Variants in DGKG observed in about 807,000 individuals in gnomAD.
The protein encoded by DGKG is diacylglycerol kinase gamma.
DGKG carries 78 observed loss-of-function variants against 105.3 expected under a neutral mutation model. The observed-to-expected ratio is 0.74, with a 90% CI of 0.62 to 0.89. DGKG has a LOEUF of 0.89. Among genes scored for constraint, DGKG ranks in the 40% least tolerant of loss-of-function variants. DGKG has a pLI of 0.00. For synonymous variants in DGKG, 346 were observed against 367.1 expected, an observed-to-expected ratio of 0.94 and a Z score of 0.66; for missense variants, 958 against 1,020.1, an observed-to-expected ratio of 0.94 and a Z score of 0.83.
intron 20 of DGKG, among the ~76,000 whole-genome samples, chr3:186,217,145 G>A (rs973208640): frequency 2.0e-5 from 3 of 152,178 alleles, no homozygotes; most frequent in Admixed American, 6.5e-5. Context: ...GTAAGGGTGG[G>A]TCTACTGTGG....
In DGKG at chr3:186,211,855, A is replaced by C; in HGVS notation, c.1857T>G (p.Phe619Leu). 1 of 1,614,198 alleles carries C rather than the reference A, an allele frequency of 6.2e-7. No homozygotes were observed. Among genetic ancestry groups the C allele is most frequent in the Non-Finnish European group, 8.5e-7 (1 of 1,180,002 alleles). ...TCGCTGCAAAAGTCTCCGAGGTGCC[A>C]AATTCAAAGTACCACAGCTTGTTCT... ...RMKNKLWYFE[F>L]GTSETFAATC... is the part of the protein sequence containing the mutation. The change falls in exon 21 of 25, where the codon TTT (phenylalanine) becomes TTG (leucine). Residue 619 changes from phenylalanine (F) to leucine (L), a missense_variant. Phe to Leu is a conservative substitution (Grantham distance 22). Around this residue, in one of 2 missense-constraint regions of DGKG, gnomAD observed 315 missense variants for 400.6 expected, o/e 0.79. Transcript: ENST00000265022.
At position 186,275,641 on chromosome 3, in the gene DGKG, G is replaced by C. The variant is rs149782895; in HGVS notation, c.816C>G (p.His272Gln). 2.5e-6 allele frequency: 4 copies of C among 1,613,962 alleles called. No homozygotes were observed. Among genetic ancestry groups the C allele is most frequent in the Non-Finnish European group, 3.4e-6 (4 of 1,180,014 alleles). The change falls in exon 10 of 25, where the codon CAC becomes CAG. Residue 272 changes from histidine to glutamine, a missense_variant. Physicochemically the swap from His to Gln is conservative, Grantham distance 24 (BLOSUM62 0). Around this residue, in one of 2 missense-constraint regions of DGKG, gnomAD observed 643 missense variants for 619.5 expected, o/e 1.04. Transcript: ENST00000265022. ...TCTTGAAGTGCTTCATGGTCCAGGC[G>C]TGCCGCCCATCCCCCTTGGAGCCCT... is the stretch of plus-strand genomic sequence containing the variant. ...DDSGSKGDGR[H>Q]AWTMKHFKKP...
Position 186,273,367 on chromosome 3 carries a change from C to CCTTTTTTTTTTTTTTTTTTTTTTTT in DGKG, c.911-1025_911-1024insAAAAAAAAAAAAAAAAAAAAAAAAG, listed in dbSNP as rs1553811123. On this transcript the variant is annotated intron_variant, in intron 10 of 24. Transcript: ENST00000265022. Reference sequence around the variant, plus strand: ...TGGCGCTGGGGAGACTGTTGTACCCCTTTTTTTTTTTTTTTTTTTTTTTTT... The same window carrying CCTTTTTTTTTTTTTTTTTTTTTTTT: ...TGGCGCTGGGGAGACTGTTGTACCCCCTTTTTTTTTTTTTTTTTTTTTTTTTTTTTTTTTTTTTTTTTTTTTTTTT... Among the ~76,000 whole-genome samples, 4 of 85,598 alleles carry CCTTTTTTTTTTTTTTTTTTTTTTTT rather than the reference C, an allele frequency of 4.7e-5. 2 individuals carry two copies. Among genetic ancestry groups the CCTTTTTTTTTTTTTTTTTTTTTTTT allele is most frequent in the African/African-American group, 1.6e-4 (4 of 25,318 alleles). 56.2% of individuals were successfully genotyped at this position (85,598 alleles called of 152,430 possible). A position where few individuals can be genotyped will look rare whatever the true frequency, so the allele number is the denominator to read the frequency against.
intron 1 of DGKG, among the ~76,000 whole-genome samples, chr3:186,347,851 G>A (rs143832694): frequency 0.015 from 2,286 of 152,262 alleles, 22 homozygotes; most frequent in Non-Finnish European, 0.024. Context: ...CTGAAGCGCT[G>A]GGATTACAGG....
At chr3:186,261,556 T>G in intron 15 of DGKG, 143 bp downstream of exon 15, 1 of 686,648 alleles carries the variant, frequency 1.5e-6, no homozygotes, top group Non-Finnish European at 2.7e-6. Context: ...TTAAGTCACT[T>G]GGGCCAGGTC....
At chr3:186,267,630 A>C in intron 13 of DGKG, 55 bp downstream of exon 13, 1 of 1,415,052 alleles carries the variant, frequency 7.1e-7, no homozygotes, top group Non-Finnish European at 1.0e-6. Context: ...AGCTGCCTAC[A>C]TCTGAAACCA....
intron 16 of DGKG, among the ~76,000 whole-genome samples, chr3:186,258,668 C>T (rs2036774734): frequency 6.6e-6 from 1 of 152,106 alleles, no homozygotes; most frequent in South Asian, 2.1e-4. Context: ...ATGCCTCATA[C>T]CACTGCCATG....
chr3:186,295,638 T>TAAA (rs34829528), intron 5 of DGKG, among the ~76,000 whole-genome samples: 2,204 of 84,410 alleles, frequency 0.026, 175 homozygotes, highest in African/African-American at 0.096. Flanking sequence ...TAATGCACAG[T>TAAA]AAAAAAAAAA....
rs75766894 is a variant in DGKG, at chr3:186,189,124, A to T, written c.1918-745T>A. Among the ~76,000 whole-genome samples, 379 of 152,206 alleles carry T rather than the reference A, an allele frequency of 2.5e-3. 1 individual carries two copies. Among genetic ancestry groups the T allele is most frequent in the Non-Finnish European group, 4.3e-3 (294 of 67,988 alleles). ...CACCACGCCTGGCCAGAAAATTTTC[A>T]TTTTGCCCCCTCCTATTTTATCTCT... On this transcript the variant is annotated intron_variant, in intron 21 of 24. Transcript: ENST00000265022.
intron 5 of DGKG, among the ~76,000 whole-genome samples, chr3:186,290,367 C>T (rs1456078679): frequency 3.3e-5 from 5 of 152,162 alleles, no homozygotes; most frequent in African/African-American, 7.2e-5. Flanking sequence ...GGCCTTTGTA[C>T]TGTGTAGTGC....
At chr3:186,245,814 C>A (rs1578719290) in intron 19 of DGKG, among the ~76,000 whole-genome samples, 2 of 151,860 alleles carry the variant, frequency 1.3e-5, no homozygotes, top group Admixed American at 1.3e-4. Flanking sequence ...AGTATCTAGG[C>A]CAGTGCTATC....
intron 20 of DGKG, among the ~76,000 whole-genome samples, chr3:186,235,463 G>A (rs1720371290): frequency 6.6e-6 from 1 of 152,176 alleles, no homozygotes; most frequent in African/African-American, 2.4e-5. Flanking sequence ...TTGATGGCAA[G>A]GATTTTTAAC....
chr3:186,268,850 T>C lies in DGKG; in HGVS notation c.1067A>G (p.Lys356Arg). 1 of 1,614,090 alleles carries C rather than the reference T, an allele frequency of 6.2e-7. No homozygotes were observed. The highest frequency in any genetic ancestry group is 1.3e-5 in the African/African-American group (1 of 75,064). The change falls in exon 12 of 25, where the codon AAG becomes AGG. Residue 356 changes from lysine (K) to arginine (R), a missense_variant. Coordinates refer to ENST00000265022, the MANE Select transcript of DGKG (RefSeq NM_001346.3). ...VKCDRCHKSI[K>R]CYQSVTARHC... ...CCGCGCGGTGACACTCTGGTAGCAC[T>C]TGATACTTTTGTGGCACCGGTCACA... is the stretch of plus-strand genomic sequence containing the variant.
chr3:186,306,437 T>C (rs760339763), intron 3 of DGKG, among the ~76,000 whole-genome samples: 2 of 151,590 alleles, frequency 1.3e-5, no homozygotes, highest in East Asian at 1.9e-4. Context: ...GGGGAAGATA[T>C]GTTGCTGAAG....
At chr3:186,232,680 ACT>A (rs1406336684) in intron 20 of DGKG, among the ~76,000 whole-genome samples, 3 of 152,176 alleles carry the variant, frequency 2.0e-5, no homozygotes, top group African/African-American at 4.8e-5. Flanking sequence ...ATATAATAAC[ACT>A]GTCTGATGTA....
chr3:186,294,391 C>T (rs921083314), intron 5 of DGKG, among the ~76,000 whole-genome samples: 9 of 152,070 alleles, frequency 5.9e-5, no homozygotes, highest in Non-Finnish European at 1.3e-4. Context: ...AAAAATTAGC[C>T]TGGCCATGAT....
Position 186,298,152 on chromosome 3 carries a change from G to A in DGKG, c.222C>T (p.His74=), listed in dbSNP as rs750121479. The A allele has an allele frequency of 2.5e-6, 4 of 1,614,206 alleles. No individual in the cohort carries two copies. Among genetic ancestry groups the A allele is most frequent in the Non-Finnish European group, 1.7e-6 (2 of 1,180,036 alleles). Residue 74 remains histidine, a synonymous_variant, in exon 4 of 25, where the codon CAC becomes CAT. Coordinates refer to ENST00000265022, the MANE Select transcript of DGKG (RefSeq NM_001346.3). ...GCTTCTGGCTGAAGGCCAGGAAGAGGTGAGTGCTCAGTGGCTGGGGAAGGT... is the reference window on the plus strand; with the variant it reads ...GCTTCTGGCTGAAGGCCAGGAAGAGATGAGTGCTCAGTGGCTGGGGAAGGT... ...EVDLPQPLST[H]LFLAFSQKPR...
chr3:186,249,808 A>C (rs1018114457), intron 19 of DGKG, among the ~76,000 whole-genome samples: 1 of 152,156 alleles, frequency 6.6e-6, no homozygotes, highest in Admixed American at 6.6e-5. Flanking sequence ...ACTCCAGCCT[A>C]AGTGACAGAG....
chr3:186,354,605 C>T (rs971904118), intron 1 of DGKG, among the ~76,000 whole-genome samples: 7 of 152,220 alleles, frequency 4.6e-5, no homozygotes, highest in African/African-American at 1.4e-4. Context: ...TAGATGCCTC[C>T]ATTTTTCACT....
Sources: gnomAD v4.1 joint callset for allele counts (sites outside exome capture counted in the v4.1 genomes callset) on GRCh38, gnomAD v4.1.1 for gene constraint, gnomAD v4.1.1 regional missense constraint, MANE v1.5 for transcripts, NCBI Gene and HGNC (gene_info 2026-07-23, HGNC 2026-07-21) for gene names.